SYNE2: variants seen among roughly 807,000 people sequenced by gnomAD.
The protein encoded by SYNE2 is nesprin-2.
In SYNE2, 431 loss-of-function variants were observed where a neutral mutation model predicts 856.3. That is an observed-to-expected ratio of 0.50 (90% CI 0.47 to 0.55). SYNE2 has a LOEUF of 0.55. Among genes scored for constraint, SYNE2 ranks in the 20% least tolerant of loss-of-function variants. The probability of loss-of-function intolerance (pLI) is 0.00; values close to 1 mark genes in which losing one functional copy is unlikely to be tolerated. For missense variants in SYNE2, 8,129 were observed against 8,023.2 expected, an observed-to-expected ratio of 1.01 and a Z score of -0.50; for synonymous variants, 2,923 against 2,872.3, an observed-to-expected ratio of 1.02 and a Z score of -0.56.
At chr14:63,898,587 G>A (rs553983989) in intron 1 of SYNE2, among the ~76,000 whole-genome samples, 1 of 150,654 alleles carries the variant, frequency 6.6e-6, no homozygotes, top group Admixed American at 6.6e-5. Context: ...GTTTTTTTTT[G>A]TAGAGACGGG....
intron 1 of SYNE2, among the ~76,000 whole-genome samples, chr14:63,890,636 A>T (rs537401917): frequency 2.0e-5 from 3 of 152,148 alleles, no homozygotes; most frequent in Non-Finnish European, 4.4e-5. Flanking sequence ...TTGGGAGTAC[A>T]GTTTTTTGAG....
intron 1 of SYNE2, among the ~76,000 whole-genome samples, chr14:63,862,791 T>G (rs889803965): frequency 3.9e-5 from 6 of 151,910 alleles, no homozygotes; most frequent in African/African-American, 1.2e-4. Flanking sequence ...AGTTTTGTTT[T>G]TTTTTTGTTT....
At position 64,159,300 on chromosome 14, in the gene SYNE2, T is replaced by C; in HGVS notation, c.15964-12T>C. On this transcript the variant is annotated splice_polypyrimidine_tract_variant and intron_variant, in intron 86 of 115. Coordinates refer to ENST00000555002, the MANE Select transcript of SYNE2 (RefSeq NM_182914.3). ...CATTCTGAAACTTAAATTTCTTGTT[T>C]GTGTCTCTTAGTCTCTGCAAGATGA... The C allele has an allele frequency of 6.2e-7, 1 of 1,613,776 alleles. No individual in the cohort carries two copies. The highest frequency in any genetic ancestry group is 8.5e-7 in the Non-Finnish European group (1 of 1,179,762).
intron 50 of SYNE2, among the ~76,000 whole-genome samples, chr14:64,063,316 G>A (rs1050346772): frequency 6.6e-6 from 1 of 152,208 alleles, no homozygotes. Context: ...TCAAAGTGCT[G>A]GGATTATAGG....
At chr14:64,019,744 G>A (rs772305763) in intron 34 of SYNE2, among the ~76,000 whole-genome samples, 50 of 152,270 alleles carry the variant, frequency 3.3e-4, no homozygotes, top group Admixed American at 4.6e-4. Flanking sequence ...AAGGCAGACC[G>A]TGCATTCTCT....
chr14:64,033,813 TG>T (rs1322136380), intron 45 of SYNE2, among the ~76,000 whole-genome samples: 2 of 152,246 alleles, frequency 1.3e-5, no homozygotes, highest in Admixed American at 6.5e-5. Context: ...TTCATTTAAA[TG>T]TTTTTTTCAG....
intron 30 of SYNE2, among the ~76,000 whole-genome samples, 177 bp downstream of exon 30, chr14:64,003,507 G>A (rs550975844): frequency 6.6e-6 from 1 of 152,098 alleles, no homozygotes; most frequent in African/African-American, 2.4e-5. Flanking sequence ...TGTTGGTATT[G>A]TACCTGTACA....
chr14:63,970,520 G>A (rs1169403982), intron 11 of SYNE2, among the ~76,000 whole-genome samples: 2 of 152,072 alleles, frequency 1.3e-5, no homozygotes, highest in South Asian at 2.1e-4. Context: ...TTTAATTGTA[G>A]TGCTTAGTCC....
Position 64,143,874 on chromosome 14 carries a change from A to G in SYNE2, c.15409A>G (p.Arg5137Gly). Reference sequence around the variant, plus strand: ...TGATGTAGAAAGCAAGCGCTATGAAAGAACGGAGTTTGCAGAGCACCTGGG... The same window carrying G: ...TGATGTAGAAAGCAAGCGCTATGAAGGAACGGAGTTTGCAGAGCACCTGGG... ...TCDVESKRYERTEFAEHLGEM... is the reference protein window; with the variant it reads ...TCDVESKRYEGTEFAEHLGEM... Residue 5137 changes from arginine to glycine, a missense_variant, in exon 83 of 116, where the codon AGA becomes GGA. Transcript: ENST00000555002. The G allele has an allele frequency of 6.2e-7, 1 of 1,614,232 alleles. No homozygotes were observed. The highest frequency in any genetic ancestry group is 8.5e-7 in the Non-Finnish European group (1 of 1,180,038).
In SYNE2 at chr14:63,909,203, G is replaced by T; in HGVS notation, c.55G>T (p.Asp19Tyr). 1 of 1,612,662 alleles carries T rather than the reference G, an allele frequency of 6.2e-7. No individual in the cohort carries two copies. Among genetic ancestry groups the T allele is most frequent in the South Asian group, 1.1e-5 (1 of 90,980 alleles). The change falls in exon 2 of 116, where the codon GAC becomes TAC. Residue 19 changes from aspartate (D) to tyrosine (Y), a missense_variant. Around this residue, in one of 3 missense-constraint regions of SYNE2, gnomAD observed 2,422 missense variants for 2,357.4 expected, o/e 1.03. Transcript: ENST00000555002. Reference protein sequence around the residue: ...TEDEQGSWGIDDLHISLQAEQ... With the variant: ...TEDEQGSWGIYDLHISLQAEQ... ...AGATGAACAGGGTTCCTGGGGCATC[G>T]ACGATCTCCATATTTCATTGCAAGG...
chr14:64,023,555 T>G (rs1480436364), intron 38 of SYNE2: 2 of 152,796 alleles, frequency 1.3e-5, no homozygotes, highest in African/African-American at 4.8e-5. Context: ...TCCAGTTATA[T>G]TTCTTTTAAA....
chr14:64,131,213 C>G (rs1480326464), intron 76 of SYNE2, among the ~76,000 whole-genome samples: 1 of 152,006 alleles, frequency 6.6e-6, no homozygotes, highest in Non-Finnish European at 1.5e-5. Flanking sequence ...TGCTAGGCCC[C>G]TTGCTAGATG....
chr14:63,816,417 G>A (rs1888997002), intron 1 of SYNE2, among the ~76,000 whole-genome samples: 1 of 152,024 alleles, frequency 6.6e-6, no homozygotes, highest in Admixed American at 6.6e-5. Flanking sequence ...AAATTTCTTG[G>A]GGAAGTGTCA....
At chr14:64,174,919 A>T (rs1243333563) in intron 94 of SYNE2, 25 bp from the exon 95 acceptor site, 1 of 1,609,598 alleles carries the variant, frequency 6.2e-7, no homozygotes, top group Admixed American at 1.7e-5. Context: ...AAACCTAAGC[A>T]AATTACTTCT....
In SYNE2 at chr14:64,209,672, C is replaced by T. The variant is rs1037909524; in HGVS notation, c.18540+94C>T. The T allele has an allele frequency of 5.2e-6, 8 of 1,550,712 alleles. No homozygotes were observed. In the African/African-American group the frequency reaches 9.5e-5, roughly 18 times the overall value. The stretch of plus-strand genomic sequence containing the variant: ...ATGACTTCCTCTAAGTAGCCAGCTT[C>T]CCCTCACCTCTGGCAAGGGCTGCCT... On this transcript the variant is annotated intron_variant, in intron 102 of 115. Coordinates refer to ENST00000555002, the MANE Select transcript of SYNE2 (RefSeq NM_182914.3).
chr14:64,191,667 T>A (rs373721589), intron 99 of SYNE2, among the ~76,000 whole-genome samples: 2 of 152,334 alleles, frequency 1.3e-5, no homozygotes, highest in South Asian at 2.1e-4. Context: ...ATCTGAGTCA[T>A]GCCTGGTTCC....
chr14:64,121,145 C>T, intron 68 of SYNE2, 84 bp downstream of exon 68: 1 of 1,578,988 alleles, frequency 6.3e-7, no homozygotes, highest in Non-Finnish European at 8.7e-7. Context: ...GTCCTAGCTA[C>T]TTGGGAGGCT....
intron 8 of SYNE2, among the ~76,000 whole-genome samples, chr14:63,956,884 G>T (rs1019921081): frequency 2.6e-5 from 4 of 152,048 alleles, no homozygotes; most frequent in Admixed American, 2.0e-4. Flanking sequence ...TCACAAAATT[G>T]TTCACTCATC....
chr14:63,828,319 T>C (rs1002717918), intron 1 of SYNE2, among the ~76,000 whole-genome samples: 1 of 152,118 alleles, frequency 6.6e-6, no homozygotes, highest in African/African-American at 2.4e-5. Flanking sequence ...ATGTTAGGTA[T>C]TGTAAGTAAT....
Sources: gnomAD v4.1 joint callset for allele counts (sites outside exome capture counted in the v4.1 genomes callset) on GRCh38, gnomAD v4.1.1 for gene constraint, gnomAD v4.1.1 regional missense constraint, MANE v1.5 for transcripts, NCBI Gene and HGNC (gene_info 2026-07-23, HGNC 2026-07-21) for gene names.